The following TCF19 variants were observed in gnomAD, a reference collection of about 807,000 sequenced individuals.
TCF19 encodes transcription factor 19.
A neutral mutation model predicts 18.3 loss-of-function variants in TCF19; 9 were observed. The ratio of observed to expected loss-of-function variants is 0.49; its 90% CI spans 0.30 to 0.86. TCF19 has a LOEUF of 0.86. Among genes scored for constraint, TCF19 ranks in the 40% least tolerant of loss-of-function variants. The probability of loss-of-function intolerance (pLI) is 0.07; values close to 1 mark genes in which losing one functional copy is unlikely to be tolerated. For synonymous variants in TCF19, 176 were observed against 185.3 expected, an observed-to-expected ratio of 0.95 and a Z score of 0.41; for missense variants, 376 against 464.3, an observed-to-expected ratio of 0.81 and a Z score of 1.75.
rs1360894367 is a variant in TCF19 at position 31,162,327 on chromosome 6, T to G, written c.798-150T>G. ...ACTAGAGGTTTTTAGGCCCACCCTA[T>G]GTGTTTTTAAGGACAGAGTCCAGGC... On this transcript the variant is annotated intron_variant, in intron 3 of 3. Transcript: ENST00000376257. The surrounding 1 kb of genome is among the most constrained non-coding windows in gnomAD (Gnocchi z 4.5). The G allele has an allele frequency of 1.7e-6, 2 of 1,178,422 alleles. No homozygotes were observed. The highest frequency in any genetic ancestry group is 2.4e-6 in the Non-Finnish European group (2 of 842,676). The allele number at this position is 1,178,422 out of a possible 1,614,324, so 73.0% of individuals were successfully genotyped here. A position where few individuals can be genotyped will look rare whatever the true frequency, so the allele number is the denominator to read the frequency against.
At position 31,162,138 on chromosome 6, in the gene TCF19, G is replaced by T; in HGVS notation, c.797+133G>T. The T allele has an allele frequency of 1.9e-6, 2 of 1,066,822 alleles. No homozygotes were observed. The highest frequency in any genetic ancestry group is 2.6e-6 in the Non-Finnish European group (2 of 762,322). The allele number at this position is 1,066,822 out of a possible 1,614,324, so 66.1% of individuals were successfully genotyped here. On this transcript the variant is annotated intron_variant, in intron 3 of 3. Coordinates refer to ENST00000376257, the MANE Select transcript of TCF19 (RefSeq NM_007109.3). The surrounding 1 kb of genome is among the most constrained non-coding windows in gnomAD (Gnocchi z 4.5). ...TGGAATAGATGGAATGGCAAGACCTGGGTTAGCTCTGATAGGAAAAGAAAA... is the reference window on the plus strand; with the variant it reads ...TGGAATAGATGGAATGGCAAGACCTTGGTTAGCTCTGATAGGAAAAGAAAA...
In TCF19 at chr6:31,161,697, C is replaced by T. The variant is rs1776790359; in HGVS notation, c.489C>T (p.Leu163=). The part of the protein sequence containing the change: ...LPSQGAPQRP[L]STFSPAPKAT... The stretch of plus-strand genomic sequence containing the variant: ...CCCAGGGGGCTCCACAGCGGCCTCT[C>T]AGCACCTTCTCCCCTGCCCCCAAGG... The change falls in exon 3 of 4, where the codon CTC becomes CTT. Residue 163 remains leucine, a synonymous_variant. Coordinates refer to ENST00000376257, the MANE Select transcript of TCF19 (RefSeq NM_007109.3). The T allele has an allele frequency of 1.3e-6, 2 of 1,540,104 alleles. No homozygotes were observed. The highest frequency in any genetic ancestry group is 1.7e-6 in the Non-Finnish European group (2 of 1,142,944).
chr6:31,159,545 G>A lies in TCF19; in HGVS notation c.76G>A (p.Gly26Arg), dbSNP rs61733202. 1,002 of 1,606,498 alleles carry A rather than the reference G, an allele frequency of 6.2e-4. No homozygotes were observed. The African/African-American group carries it at 6.6e-3, about 11-fold the overall frequency. ...TCTCTACACCTTCCACCCCCCCGCC[G>A]GGGCTGGCTGCACCTATCGCTTGGG... is the stretch of plus-strand genomic sequence containing the variant. ...GDLYTFHPPA[G>R]AGCTYRLGHR... The change falls in exon 2 of 4, where the codon GGG (glycine) becomes AGG (arginine). Residue 26 changes from glycine (G) to arginine (R), a missense_variant. Transcript: ENST00000376257.
In TCF19 at chr6:31,159,441, G is replaced by C. The variant is rs1776581510; in HGVS notation, c.-29G>C. 4.6e-6 allele frequency: 7 copies of C among 1,516,424 alleles called. No homozygotes were observed. Among genetic ancestry groups the C allele is most frequent in the Admixed American group, 4.2e-5 (2 of 47,072 alleles). 93.9% of individuals were successfully genotyped at this position (1,516,424 alleles called of 1,614,324 possible). ...GGAAAGGAAATGGATGCCTGAAGTG[G>C]AAGAGGTGGTGCAGAGGGGGCACCG... On this transcript the variant is annotated 5_prime_UTR_variant, in exon 2 of 4. Transcript: ENST00000376257.
At chr6:31,160,573 T>C (rs532502286) in intron 2 of TCF19, among the ~76,000 whole-genome samples, 18 of 147,848 alleles carry the variant, frequency 1.2e-4, no homozygotes, top group Admixed American at 1.1e-3. Flanking sequence ...GACCAACATG[T>C]TGAAACCCCA....
chr6:31,161,627 G>C lies in TCF19; in HGVS notation c.419G>C (p.Arg140Thr). Reference protein sequence around the residue: ...DFAAITIPRSRGEARVGAGFR... With the variant: ...DFAAITIPRSTGEARVGAGFR... Reference sequence around the variant, plus strand: ...GCTGCCATTACCATCCCACGGTCTAGGGGAGAAGCCCGGGTTGGGGCTGGT... The same window carrying C: ...GCTGCCATTACCATCCCACGGTCTACGGGAGAAGCCCGGGTTGGGGCTGGT... Residue 140 changes from arginine to threonine, a missense_variant, in exon 3 of 4, where the codon AGG becomes ACG. Coordinates refer to ENST00000376257, the MANE Select transcript of TCF19 (RefSeq NM_007109.3). The C allele has an allele frequency of 1.9e-6, 3 of 1,550,928 alleles. No individual in the cohort carries two copies. The highest frequency in any genetic ancestry group is 2.5e-5 in the South Asian group (2 of 80,528).
Position 31,163,994 on chromosome 6 carries a change from G to GT in TCF19, c.*1277_*1278insT. On this transcript the variant is annotated 3_prime_UTR_variant, in exon 4 of 4. Coordinates refer to ENST00000376257, the MANE Select transcript of TCF19 (RefSeq NM_007109.3). ...ATCAAGAAAGCACAAAGTATTAATA[G>GT]AAGTTTCTGGTTGGGGTGATCTAGG... The GT allele has an allele frequency of 1.0e-6, 1 of 990,172 alleles. No individual in the cohort carries two copies. Among genetic ancestry groups the GT allele is most frequent in the Non-Finnish European group, 1.2e-6 (1 of 832,854 alleles). The allele number at this position is 990,172 out of a possible 1,614,324, so 61.3% of individuals were successfully genotyped here.
At position 31,159,509 on chromosome 6, in the gene TCF19, A is replaced by G. The variant is rs1466966933; in HGVS notation, c.40A>G (p.Arg14Gly). 6.3e-7 allele frequency: 1 copy of G among 1,593,122 alleles called. No individual in the cohort carries two copies. Among genetic ancestry groups the G allele is most frequent in the Admixed American group, 1.7e-5 (1 of 57,160 alleles). ...CCAACTGCTGCGCATAGGGGGCGGC[A>G]GGGGCGGTGATCTCTACACCTTCCA... ...CFQLLRIGGG[R>G]GGDLYTFHPP... is the part of the protein sequence containing the mutation. Residue 14 changes from arginine (R) to glycine (G), a missense_variant, in exon 2 of 4, where the codon AGG (arginine) becomes GGG (glycine). Arg to Gly is a moderately radical substitution (Grantham distance 125, BLOSUM62 -2). Transcript: ENST00000376257.
At position 31,162,654 on chromosome 6, in the gene TCF19, C is replaced by T. The variant is rs758251448; in HGVS notation, c.975C>T (p.Ser325=). 1.6e-5 allele frequency: 25 copies of T among 1,612,786 alleles called. No homozygotes were observed. In the Admixed American group the frequency reaches 2.2e-4, roughly 14 times the overall value. The change falls in exon 4 of 4, where the codon AGC becomes AGT. Residue 325 remains serine, a synonymous_variant. Coordinates refer to ENST00000376257, the MANE Select transcript of TCF19 (RefSeq NM_007109.3). The surrounding 1 kb of genome is among the most constrained non-coding windows in gnomAD (Gnocchi z 4.5). The part of the protein sequence containing the change: ...VWFHVACVGC[S]IQAAREADFR... ...TCCATGTGGCCTGTGTTGGCTGCAG[C>T]ATCCAGGCTGCCAGGGAGGCCGACT... is the stretch of plus-strand genomic sequence containing the variant.
chr6:31,160,537 C>T (rs1415638972), intron 2 of TCF19, among the ~76,000 whole-genome samples: 4 of 149,742 alleles, frequency 2.7e-5, no homozygotes, highest in East Asian at 4.0e-4. Context: ...GGGCAGATCA[C>T]GAGGTCAGGA....
chr6:31,163,791 A>G lies in TCF19; in HGVS notation c.*1074A>G. 1 of 983,138 alleles carries G rather than the reference A, an allele frequency of 1.0e-6. No homozygotes were observed. Among genetic ancestry groups the G allele is most frequent in the Non-Finnish European group, 1.2e-6 (1 of 829,582 alleles). 60.9% of individuals were successfully genotyped at this position (983,138 alleles called of 1,614,324 possible). ...GACCTGTTCTATTAAAACCTGCCACACCCGCCCTTTCCTACCTAGATTTAA... is the reference window on the plus strand; with the variant it reads ...GACCTGTTCTATTAAAACCTGCCACGCCCGCCCTTTCCTACCTAGATTTAA... On this transcript the variant is annotated 3_prime_UTR_variant, in exon 4 of 4. Transcript: ENST00000376257.
In TCF19 at chr6:31,163,349, G is replaced by C; in HGVS notation, c.*632G>C. 1.0e-6 allele frequency: 1 copy of C among 985,886 alleles called. No individual in the cohort carries two copies. Among genetic ancestry groups the C allele is most frequent in the Non-Finnish European group, 1.2e-6 (1 of 830,286 alleles). The allele number at this position is 985,886 out of a possible 1,614,324, so 61.1% of individuals were successfully genotyped here. A position where few individuals can be genotyped will look rare whatever the true frequency, so the allele number is the denominator to read the frequency against. ...TTCAGAATCTTAGGGGAAGGGGAGA[G>C]ATGGAAATACAAACCTGCTTACTGG... On this transcript the variant is annotated 3_prime_UTR_variant, in exon 4 of 4. Coordinates refer to ENST00000376257, the MANE Select transcript of TCF19 (RefSeq NM_007109.3).
chr6:31,159,351 G>A lies in TCF19; in HGVS notation c.-119G>A, dbSNP rs1776571874. 1 of 932,586 alleles carries A rather than the reference G, an allele frequency of 1.1e-6. No homozygotes were observed. 57.8% of individuals were successfully genotyped at this position (932,586 alleles called of 1,614,324 possible). A position where few individuals can be genotyped will look rare whatever the true frequency, so the allele number is the denominator to read the frequency against. ...GTGCTCAAAGTTGAAACCGCATACA[G>A]CACAACTCAAGTTTGCATCAGACTG... On this transcript the variant is annotated 5_prime_UTR_variant, in exon 2 of 4. Coordinates refer to ENST00000376257, the MANE Select transcript of TCF19 (RefSeq NM_007109.3).
At position 31,161,914 on chromosome 6, in the gene TCF19, G is replaced by T. The variant is rs758629208; in HGVS notation, c.706G>T (p.Asp236Tyr). The change falls in exon 3 of 4, where the codon GAT becomes TAT. Residue 236 changes from aspartate to tyrosine, a missense_variant. By Grantham distance (160) the Asp-to-Tyr change is radical (BLOSUM62 -3). Transcript: ENST00000376257. ...TCACCGAGTGTTGGCGGAACTGGATGATGAGAGTGAGCCTCCTGAGAACCC... is the reference window on the plus strand; with the variant it reads ...TCACCGAGTGTTGGCGGAACTGGATTATGAGAGTGAGCCTCCTGAGAACCC... Reference protein sequence around the residue: ...SVHRVLAELDDESEPPENPPP... With the variant: ...SVHRVLAELDYESEPPENPPP... The T allele has an allele frequency of 2.5e-6, 4 of 1,613,012 alleles. No individual in the cohort carries two copies. Among genetic ancestry groups the T allele is most frequent in the Non-Finnish European group, 3.4e-6 (4 of 1,180,014 alleles).
Position 31,161,513 on chromosome 6 carries a change from T to A in TCF19, c.305T>A (p.Leu102Gln). The change falls in exon 3 of 4, where the codon CTG becomes CAG. Residue 102 changes from leucine to glutamine, a missense_variant. Coordinates refer to ENST00000376257, the MANE Select transcript of TCF19 (RefSeq NM_007109.3). The part of the protein sequence containing the change: ...HRLELSDGDL[L>Q]TFGPEGPPGT... ...CTGGAATTGAGTGATGGAGACCTCC[T>A]GACCTTTGGCCCTGAAGGGCCCCCA... is the stretch of plus-strand genomic sequence containing the variant. 6.5e-7 allele frequency: 1 copy of A among 1,540,178 alleles called. No homozygotes were observed. The highest frequency in any genetic ancestry group is 8.7e-7 in the Non-Finnish European group (1 of 1,149,042).
chr6:31,162,496 CG>C lies in TCF19; in HGVS notation c.819del (p.Lys274SerfsTer4). ...TPTGNRRGRP[R>X]KYPVSAPMAP... ...CTTCAGAAATCGACGTGGCCGTCCT[CG>C]GAAGTACCCAGTGAGCGCTCCCATG... On this transcript the variant is annotated frameshift_variant, in exon 4 of 4. Coordinates refer to ENST00000376257, the MANE Select transcript of TCF19 (RefSeq NM_007109.3). LOFTEE classifies it low-confidence loss of function (END_TRUNC). This position sits in a 1 kb window ranked among gnomAD's most constrained non-coding sequence, Gnocchi z 4.5. 1.2e-6 allele frequency: 2 copies of C among 1,610,830 alleles called. No individual in the cohort carries two copies. The highest frequency in any genetic ancestry group is 1.7e-6 in the Non-Finnish European group (2 of 1,178,888).
At position 31,163,737 on chromosome 6, in the gene TCF19, T is replaced by A; in HGVS notation, c.*1020T>A. 1.0e-6 allele frequency: 1 copy of A among 985,488 alleles called. No individual in the cohort carries two copies. The highest frequency in any genetic ancestry group is 1.2e-6 in the Non-Finnish European group (1 of 829,968). The allele number at this position is 985,488 out of a possible 1,614,324, so 61.0% of individuals were successfully genotyped here. ...ACCAAGCCAAACTATTGTCAAAGCA[T>A]CATTTCTATAGAAATAAAGCCTTAT... On this transcript the variant is annotated 3_prime_UTR_variant, in exon 4 of 4. Transcript: ENST00000376257.
Position 31,163,024 on chromosome 6 carries a change from A to G in TCF19, c.*307A>G. On this transcript the variant is annotated 3_prime_UTR_variant, in exon 4 of 4. Coordinates refer to ENST00000376257, the MANE Select transcript of TCF19 (RefSeq NM_007109.3). Reference sequence around the variant, plus strand: ...CAGAATATCTGTAGTCAGAGCACCTATCAGTTGCAAAAGCCATGCCTGCAA... The same window carrying G: ...CAGAATATCTGTAGTCAGAGCACCTGTCAGTTGCAAAAGCCATGCCTGCAA... The G allele has an allele frequency of 8.1e-7, 1 of 1,235,342 alleles. No homozygotes were observed. The highest frequency in any genetic ancestry group is 1.0e-6 in the Non-Finnish European group (1 of 986,174). 76.5% of individuals were successfully genotyped at this position (1,235,342 alleles called of 1,614,324 possible).
chr6:31,161,638 C>A lies in TCF19; in HGVS notation c.430C>A (p.Arg144=). The A allele has an allele frequency of 1.3e-6, 2 of 1,533,668 alleles. No individual in the cohort carries two copies. Among genetic ancestry groups the A allele is most frequent in the Non-Finnish European group, 1.8e-6 (2 of 1,142,670 alleles). ...CATCCCACGGTCTAGGGGAGAAGCC[C>A]GGGTTGGGGCTGGTTTCCGGCCTAT... ...ITIPRSRGEA[R]VGAGFRPMLP... The change falls in exon 3 of 4, where the codon CGG becomes AGG. Residue 144 remains arginine, a synonymous_variant. Coordinates refer to ENST00000376257, the MANE Select transcript of TCF19 (RefSeq NM_007109.3).
Sources: gnomAD v4.1 joint callset for allele counts (sites outside exome capture counted in the v4.1 genomes callset) on GRCh38, gnomAD v4.1.1 for gene constraint, Gnocchi (gnomAD v3.1) non-coding constraint, MANE v1.5 for transcripts, NCBI Gene and HGNC (gene_info 2026-07-23, HGNC 2026-07-21) for gene names.